The following BCO2 variants were observed in gnomAD, a reference collection of about 807,000 sequenced individuals.
The protein encoded by BCO2 is carotenoid-cleaving dioxygenase, mitochondrial.
BCO2 carries 56 observed loss-of-function variants against 65.8 expected under a neutral mutation model. The observed-to-expected ratio is 0.85, with a 90% CI of 0.69 to 1.06. The LOEUF is 1.06. BCO2 is among the 50% of genes least tolerant of loss of function. The pLI is 0.00. For missense variants in BCO2, 675 were observed against 698.5 expected (o/e 0.97, Z 0.38); for synonymous variants, 233 against 242.3 (o/e 0.96, Z 0.36).
chr11:112,212,020 C>T (rs553075411), intron 8 of BCO2, among the ~76,000 whole-genome samples: 28 of 150,964 alleles, frequency 1.9e-4, no homozygotes, highest in African/African-American at 6.8e-4. Context: ...AAGTTGGTAA[C>T]TTCTGAAGCC....
At chr11:112,210,258 T>C (rs948524645) in intron 8 of BCO2, among the ~76,000 whole-genome samples, 2 of 152,250 alleles carry the variant, frequency 1.3e-5, no homozygotes, top group Non-Finnish European at 2.9e-5. Flanking sequence ...GTTTCTGTTA[T>C]CTGTTGTTTA....
chr11:112,185,332 T>C (rs2135355037), intron 2 of BCO2, among the ~76,000 whole-genome samples: 1 of 152,222 alleles, frequency 6.6e-6, no homozygotes, highest in African/African-American at 2.4e-5. Context: ...TTGAAAAAAA[T>C]GAAAAACCAA....
chr11:112,189,573 A>AT (rs1292955254), intron 2 of BCO2, among the ~76,000 whole-genome samples: 6 of 151,894 alleles, frequency 4.0e-5, no homozygotes, highest in Admixed American at 6.6e-5. Flanking sequence ...GCCTGGTTAA[A>AT]TTTTTTTGTA....
Position 112,216,219 on chromosome 11 carries a change from G to T in BCO2, c.1516-1G>T. On this transcript the variant is annotated splice_acceptor_variant, in intron 10 of 11. Coordinates refer to ENST00000357685, the MANE Select transcript of BCO2 (RefSeq NM_031938.7). LOFTEE classifies it high-confidence loss of function. ...TCAAATGCTTTTTTTGGGACTTGCA[G>T]GTTTGGAGAGAAGATGGCTTTTATC... The T allele has an allele frequency of 6.2e-7, 1 of 1,612,862 alleles. No individual in the cohort carries two copies. The highest frequency in any genetic ancestry group is 8.5e-7 in the Non-Finnish European group (1 of 1,178,836).
chr11:112,194,083 G>T, intron 4 of BCO2, 89 bp downstream of exon 4: 3 of 770,378 alleles, frequency 3.9e-6, no homozygotes, highest in Non-Finnish European at 4.4e-6. Context: ...ATATCAAGAA[G>T]AAATTGAAGC....
intron 2 of BCO2, 183 bp downstream of exon 2, chr11:112,179,665 TC>T: frequency 1.6e-6 from 1 of 625,164 alleles, no homozygotes; most frequent in South Asian, 2.0e-5. Flanking sequence ...TCCTGCTTTT[TC>T]TGCTCTGTAG....
chr11:112,203,002 A>G (rs1465179637), intron 8 of BCO2, among the ~76,000 whole-genome samples: 1 of 149,966 alleles, frequency 6.7e-6, no homozygotes, highest in South Asian at 2.1e-4. Context: ...GTGAACCAAG[A>G]TCGCACCACT....
rs1262648202 is a variant in BCO2 at position 112,194,872 on chromosome 11, A to C, written c.736+117A>C. 17 of 599,910 alleles carry C rather than the reference A, an allele frequency of 2.8e-5. No individual in the cohort carries two copies. In the Admixed American group the frequency reaches 3.2e-4, roughly 11 times the overall value. 37.2% of individuals were successfully genotyped at this position (599,910 alleles called of 1,614,324 possible). A position where few individuals can be genotyped will look rare whatever the true frequency, so the allele number is the denominator to read the frequency against. On this transcript the variant is annotated intron_variant, in intron 5 of 11. Coordinates refer to ENST00000357685, the MANE Select transcript of BCO2 (RefSeq NM_031938.7). ...CACAAGTAGAGAGAGGGTGCTCTGGACACCTCTACACCCAGCTCTCTCTCC... is the reference window on the plus strand; with the variant it reads ...CACAAGTAGAGAGAGGGTGCTCTGGCCACCTCTACACCCAGCTCTCTCTCC...
At chr11:112,187,150 A>C (rs1435545596) in intron 2 of BCO2, among the ~76,000 whole-genome samples, 1 of 152,138 alleles carries the variant, frequency 6.6e-6, no homozygotes, top group Non-Finnish European at 1.5e-5. Context: ...TATTTTTTTC[A>C]TTCCATCAAG....
chr11:112,183,456 C>T (rs955685618), intron 2 of BCO2, among the ~76,000 whole-genome samples: 3 of 152,060 alleles, frequency 2.0e-5, no homozygotes, highest in African/African-American at 4.8e-5. Context: ...GGAGGGTTTA[C>T]CTAGTTTTAT....
At chr11:112,177,816 C>T (rs1866924307) in intron 1 of BCO2, among the ~76,000 whole-genome samples, 1 of 152,088 alleles carries the variant, frequency 6.6e-6, no homozygotes, top group South Asian at 2.1e-4. Context: ...CCAGGTAGAG[C>T]CCCAGCTCAC....
Position 112,202,207 on chromosome 11 carries a change from G to T in BCO2, c.1194+17G>T. 1 of 1,587,526 alleles carries T rather than the reference G, an allele frequency of 6.3e-7. No individual in the cohort carries two copies. The highest frequency in any genetic ancestry group is 1.7e-4 in the Middle Eastern group (1 of 5,912). ...CTTGATCAGGTAAACATTAGAATTTGTCAAGAGTCATCAAAATAATTTTGA... is the reference window on the plus strand; with the variant it reads ...CTTGATCAGGTAAACATTAGAATTTTTCAAGAGTCATCAAAATAATTTTGA... On this transcript the variant is annotated intron_variant, in intron 8 of 11. Transcript: ENST00000357685.
rs1200364285 is a variant in BCO2 at position 112,180,715 on chromosome 11, G to A, written c.293+1233G>A. On this transcript the variant is annotated intron_variant, in intron 2 of 11. Coordinates refer to ENST00000357685, the MANE Select transcript of BCO2 (RefSeq NM_031938.7). ...GGGAAGGGCGGGAGGAGAAAAAGGT[G>A]GGAGGAGGACCAGGTGGGAGGGTGG... 3.8e-6 allele frequency: 3 copies of A among 795,242 alleles called. No homozygotes were observed. The Admixed American group carries it at 5.1e-5, about 13-fold the overall frequency. The allele number at this position is 795,242 out of a possible 1,614,324, so 49.3% of individuals were successfully genotyped here.
chr11:112,202,243 C>CTGGCTT (rs1007301551), intron 8 of BCO2, 53 bp downstream of exon 8: 1 of 1,494,130 alleles, frequency 6.7e-7, no homozygotes, highest in African/African-American at 1.4e-5. Context: ...ACTCCAAGAT[C>CTGGCTT]TGGCTTTGGC....
intron 8 of BCO2, among the ~76,000 whole-genome samples, chr11:112,210,756 GCACACA>G (rs34029146): frequency 0.01 from 1,498 of 147,622 alleles, 20 homozygotes; most frequent in African/African-American, 0.032. Flanking sequence ...CTAAATACAC[GCACACA>G]CACACACACA....
At chr11:112,181,680 CA>C in intron 2 of BCO2, 2 of 982,090 alleles carry the variant, frequency 2.0e-6, no homozygotes, top group Non-Finnish European at 3.3e-6. Context: ...ACCAATATCC[CA>C]AAAGGAATTT....
At chr11:112,215,371 T>A in intron 10 of BCO2, 1 of 194,396 alleles carries the variant, frequency 5.1e-6, no homozygotes. Flanking sequence ...GTTAGTCTGT[T>A]CTGTGTTGTT....
chr11:112,186,227 G>A (rs1272162692), intron 2 of BCO2, among the ~76,000 whole-genome samples: 1 of 152,226 alleles, frequency 6.6e-6, no homozygotes, highest in Non-Finnish European at 1.5e-5. Context: ...AGGCTGTAAT[G>A]TATTGTTCAA....
chr11:112,218,410 C>A lies in BCO2; in HGVS notation c.*536C>A, dbSNP rs999594829. On this transcript the variant is annotated 3_prime_UTR_variant, in exon 12 of 12. Coordinates refer to ENST00000357685, the MANE Select transcript of BCO2 (RefSeq NM_031938.7). ...GGTGCGGAAGACTGCCCTCACTCATCATGGCCTAGCATGTGCAATTTGTGA... is the reference window on the plus strand; with the variant it reads ...GGTGCGGAAGACTGCCCTCACTCATAATGGCCTAGCATGTGCAATTTGTGA... The A allele has an allele frequency of 5.4e-6, 1 of 185,044 alleles. No individual in the cohort carries two copies. Among genetic ancestry groups the A allele is most frequent in the South Asian group, 1.0e-4 (1 of 9,858 alleles). 11.5% of individuals were successfully genotyped at this position (185,044 alleles called of 1,614,324 possible). A position where few individuals can be genotyped will look rare whatever the true frequency, so the allele number is the denominator to read the frequency against.
Sources: allele counts gnomAD v4.1 joint callset (sites outside exome capture counted in the v4.1 genomes callset), GRCh38; gene constraint gnomAD v4.1.1; transcripts MANE v1.5; gene names NCBI Gene and HGNC (gene_info 2026-07-23, HGNC 2026-07-21).